The following BICDL1 variants were observed in gnomAD, a reference collection of about 807,000 sequenced individuals.
BICDL1 encodes BICD family-like cargo adapter 1.
Under a neutral mutation model 76.8 loss-of-function variants are expected in BICDL1, and 20 were observed. The ratio of observed to expected loss-of-function variants is 0.26; its 90% CI spans 0.18 to 0.38. The LOEUF (loss-of-function observed/expected upper bound fraction) is 0.38. Among genes scored for constraint, BICDL1 ranks in the 10% least tolerant of loss-of-function variants. The probability of loss-of-function intolerance (pLI) is 1.00; values close to 1 mark genes in which losing one functional copy is unlikely to be tolerated. For missense variants in BICDL1, 700 were observed against 798.6 expected (o/e 0.88, Z 1.49); for synonymous variants, 383 against 337.1 (o/e 1.14, Z -1.49).
chr12:120,028,215 C>G (rs1304723627), intron 2 of BICDL1, among the ~76,000 whole-genome samples: 2 of 152,168 alleles, frequency 1.3e-5, no homozygotes, highest in Non-Finnish European at 2.9e-5. Context: ...ATCAGAAATA[C>G]TGGTTTGGTA....
At chr12:120,007,604 C>G (rs977155750) in intron 2 of BICDL1, among the ~76,000 whole-genome samples, 4 of 152,158 alleles carry the variant, frequency 2.6e-5, no homozygotes, top group African/African-American at 7.2e-5. Context: ...GCCTCTAATG[C>G]CTTATCCACA....
At chr12:120,024,779 C>T (rs146563893) in intron 2 of BICDL1, among the ~76,000 whole-genome samples, 3,072 of 152,118 alleles carry the variant, frequency 0.02, 59 homozygotes, top group Non-Finnish European at 0.03. Context: ...CCTCTGCCTC[C>T]CAGGTTCAAG....
chr12:119,997,912 G>A (rs1015414626), intron 1 of BICDL1, among the ~76,000 whole-genome samples: 2 of 152,096 alleles, frequency 1.3e-5, no homozygotes, highest in Non-Finnish European at 2.9e-5. Flanking sequence ...TCAAGAAATC[G>A]AGACCAACCT....
intron 2 of BICDL1, among the ~76,000 whole-genome samples, chr12:120,014,689 CAA>C (rs1037186627): frequency 1.3e-4 from 16 of 126,142 alleles, no homozygotes; most frequent in Non-Finnish European, 1.4e-4. Flanking sequence ...GACTCCATCT[CAA>C]AAAAAAAAAA....
chr12:120,092,865 G>C, intron 9 of BICDL1, 135 bp from the exon 10 acceptor site: 1 of 1,439,940 alleles, frequency 6.9e-7, no homozygotes, highest in East Asian at 2.6e-5. Flanking sequence ...TCTTGGTCAG[G>C]GCAGTCCCGG....
At chr12:119,990,494 G>A (rs994353566) in intron 1 of BICDL1, among the ~76,000 whole-genome samples, 197 bp downstream of exon 1, 1 of 152,230 alleles carries the variant, frequency 6.6e-6, no homozygotes, top group African/African-American at 2.4e-5. Flanking sequence ...CCCGCTCACA[G>A]CAAATGGGTC....
chr12:119,996,820 G>A (rs1951657578), intron 1 of BICDL1, among the ~76,000 whole-genome samples: 1 of 152,102 alleles, frequency 6.6e-6, no homozygotes, highest in African/African-American at 2.4e-5. Context: ...CAAAAGTTCA[G>A]GACCATCACT....
At chr12:120,078,188 C>A (rs140755816) in intron 7 of BICDL1, among the ~76,000 whole-genome samples, 1 of 152,162 alleles carries the variant, frequency 6.6e-6, no homozygotes, top group African/African-American at 2.4e-5. Flanking sequence ...CCTCATGGAG[C>A]ACCCCTGTCT....
intron 2 of BICDL1, among the ~76,000 whole-genome samples, chr12:120,028,501 C>G (rs1264724626): frequency 6.6e-6 from 1 of 151,952 alleles, no homozygotes; most frequent in Non-Finnish European, 1.5e-5. Context: ...ATGCTGAAAC[C>G]TTGTATCTAC....
intron 8 of BICDL1, among the ~76,000 whole-genome samples, chr12:120,085,534 G>T (rs1874337737): frequency 6.6e-6 from 1 of 152,200 alleles, no homozygotes. Flanking sequence ...AGCAGAAGGA[G>T]GCCAGGCAAG....
chr12:120,043,555 A>G (rs1952686129), intron 2 of BICDL1, among the ~76,000 whole-genome samples: 1 of 152,238 alleles, frequency 6.6e-6, no homozygotes, highest in South Asian at 2.1e-4. Flanking sequence ...GTCATGCGTA[A>G]TTTACATCAA....
Position 119,990,110 on chromosome 12 carries a change from G to C in BICDL1, c.242G>C (p.Gly81Ala). 6.5e-7 allele frequency: 1 copy of C among 1,549,422 alleles called. No homozygotes were observed. The highest frequency in any genetic ancestry group is 1.4e-5 in the African/African-American group (1 of 73,082). ...GGGGAACACCCTCAGGCCGAGCCTG[G>C]GTCTCTGGCCGAGGGGGCCGGACCG... ...DPGEHPQAEP[G>A]SLAEGAGPQP... Residue 81 changes from glycine (G) to alanine (A), a missense_variant, in exon 1 of 10, where the codon GGG becomes GCG. Transcript: ENST00000548673.
At chr12:120,003,002 C>G (rs951437174) in intron 2 of BICDL1, among the ~76,000 whole-genome samples, 1 of 152,026 alleles carries the variant, frequency 6.6e-6, no homozygotes, top group Non-Finnish European at 1.5e-5. Flanking sequence ...ACTAAAAATA[C>G]ATAAATTAGC....
At chr12:120,003,810 T>A (rs891260613) in intron 2 of BICDL1, among the ~76,000 whole-genome samples, 1 of 152,250 alleles carries the variant, frequency 6.6e-6, no homozygotes, top group African/African-American at 2.4e-5. Flanking sequence ...GTTCTGTAGT[T>A]CTCTGACTCT....
intron 2 of BICDL1, among the ~76,000 whole-genome samples, chr12:120,018,207 C>T (rs1383094965): frequency 6.6e-6 from 1 of 152,138 alleles, no homozygotes; most frequent in African/African-American, 2.4e-5. Flanking sequence ...GTGATCTGGG[C>T]ATCTAGATTT....
intron 2 of BICDL1, among the ~76,000 whole-genome samples, chr12:120,037,245 G>C (rs1211844515): frequency 6.6e-6 from 1 of 152,080 alleles, no homozygotes; most frequent in Non-Finnish European, 1.5e-5. Context: ...CTCTTCTCTG[G>C]TATGTTAGTT....
At chr12:120,052,375 C>G (rs376636426) in intron 2 of BICDL1, among the ~76,000 whole-genome samples, 5 of 150,592 alleles carry the variant, frequency 3.3e-5, no homozygotes, top group African/African-American at 1.2e-4. Context: ...ACAGTTCATT[C>G]TGAATAGTCT....
chr12:119,990,302 G>T lies in BICDL1; in HGVS notation c.429+5G>T. 1 of 1,557,874 alleles carries T rather than the reference G, an allele frequency of 6.4e-7. No individual in the cohort carries two copies. The highest frequency in any genetic ancestry group is 2.4e-5 in the East Asian group (1 of 41,276). ...GAGCTGACAGACAAGCTCGAGGTGA[G>T]GACCTCCCTCCAGGGATGGGTGGGG... is the stretch of plus-strand genomic sequence containing the variant. On this transcript the variant is annotated splice_donor_5th_base_variant and intron_variant, in intron 1 of 9. Coordinates refer to ENST00000548673, the MANE Select transcript of BICDL1 (RefSeq NM_001367886.1).
chr12:119,991,309 A>C (rs1208699537), intron 1 of BICDL1, among the ~76,000 whole-genome samples: 2 of 152,224 alleles, frequency 1.3e-5, no homozygotes, highest in Non-Finnish European at 2.9e-5. Context: ...AATTGACCCT[A>C]GTCAGGTTCC....
Sources: allele counts gnomAD v4.1 joint callset (sites outside exome capture counted in the v4.1 genomes callset), GRCh38; gene constraint gnomAD v4.1.1; transcripts MANE v1.5; gene names NCBI Gene and HGNC (gene_info 2026-07-23, HGNC 2026-07-21).